Variants in CADPS observed in about 807,000 individuals in gnomAD.
CADPS encodes calcium-dependent secretion activator 1.
Under a neutral mutation model 167.3 loss-of-function variants are expected in CADPS, and 57 were observed. The observed-to-expected ratio is 0.34, with a 90% CI of 0.28 to 0.42. The LOEUF (loss-of-function observed/expected upper bound fraction) is 0.42, where lower values mean the gene tolerates loss of function less well. CADPS is among the 20% of genes least tolerant of loss of function. The pLI, the probability that CADPS is intolerant of heterozygous loss-of-function variation, is 1.00. For missense variants in CADPS, 1,414 were observed against 1,738.1 expected (o/e 0.81, Z 3.32); for synonymous variants, 676 against 635.3 (o/e 1.06, Z -0.96).
At chr3:62,771,682 T>C (rs764412954) in intron 1 of CADPS, among the ~76,000 whole-genome samples, 3 of 152,138 alleles carry the variant, frequency 2.0e-5, no homozygotes, top group Non-Finnish European at 4.4e-5. Context: ...AGAATTGCAG[T>C]AATGAATTCC....
intron 3 of CADPS, among the ~76,000 whole-genome samples, chr3:62,674,731 T>C (rs77085422): frequency 7.2e-5 from 11 of 152,166 alleles, no homozygotes; most frequent in Non-Finnish European, 1.0e-4. Flanking sequence ...ATATACTGCA[T>C]TGTGTGCAAA....
At chr3:62,546,679 T>C (rs1271852305) in intron 11 of CADPS, among the ~76,000 whole-genome samples, 1 of 152,152 alleles carries the variant, frequency 6.6e-6, no homozygotes, top group African/African-American at 2.4e-5. Flanking sequence ...GTACAGACCT[T>C]TTTTTGGTCA....
chr3:62,604,569 T>C (rs896372833), intron 6 of CADPS, among the ~76,000 whole-genome samples: 2 of 152,234 alleles, frequency 1.3e-5, no homozygotes, highest in Non-Finnish European at 2.9e-5. Context: ...TTTCCAAGGT[T>C]GGAGCTAAGC....
At chr3:62,672,487 C>G (rs2075704324) in intron 3 of CADPS, among the ~76,000 whole-genome samples, 1 of 152,184 alleles carries the variant, frequency 6.6e-6, no homozygotes, top group Non-Finnish European at 1.5e-5. Flanking sequence ...CATCTGGCTC[C>G]TGCACAGCTT....
chr3:62,453,875 A>G (rs952952254), intron 26 of CADPS, among the ~76,000 whole-genome samples: 1 of 152,166 alleles, frequency 6.6e-6, no homozygotes, highest in Non-Finnish European at 1.5e-5. Context: ...GGGAGGCACT[A>G]TTTCCATGTG....
chr3:62,874,540 G>T lies in CADPS; in HGVS notation c.441+49C>A, dbSNP rs756306828. On this transcript the variant is annotated intron_variant, in intron 1 of 29. Coordinates refer to ENST00000383710, the MANE Select transcript of CADPS (RefSeq NM_003716.4). This position sits in a 1 kb window ranked among gnomAD's most constrained non-coding sequence, Gnocchi z 7.1. The stretch of plus-strand genomic sequence containing the variant: ...CCAGCTCCCATTGTTCACCCCGCCC[G>T]CCTGGCGACGTCCGGGTGCTGCTCC... The T allele has an allele frequency of 1.4e-6, 2 of 1,425,310 alleles. No individual in the cohort carries two copies. The highest frequency in any genetic ancestry group is 2.6e-5 in the East Asian group (1 of 38,504). The allele number at this position is 1,425,310 out of a possible 1,614,324, so 88.3% of individuals were successfully genotyped here.
intron 14 of CADPS, 104 bp from the exon 15 acceptor site, chr3:62,516,747 G>A: frequency 1.3e-6 from 1 of 786,688 alleles, no homozygotes; most frequent in Non-Finnish European, 2.1e-6. Context: ...AATGGAAAAT[G>A]CTTTTTATTT....
intron 3 of CADPS, among the ~76,000 whole-genome samples, chr3:62,670,584 C>A (rs10510883): frequency 0.25 from 38,396 of 151,962 alleles, 6,404 homozygotes; most frequent in East Asian, 0.71. Flanking sequence ...GTATTTGAGT[C>A]ACCAGTTTTA....
chr3:62,756,042 T>C (rs1461882284), intron 2 of CADPS, among the ~76,000 whole-genome samples: 2 of 143,106 alleles, frequency 1.4e-5, no homozygotes, highest in African/African-American at 5.0e-5. Flanking sequence ...GATTCTCTAA[T>C]TTCTTTTTCT....
intron 28 of CADPS, among the ~76,000 whole-genome samples, chr3:62,417,626 T>C (rs2050404725): frequency 6.6e-6 from 1 of 152,166 alleles, no homozygotes; most frequent in Non-Finnish European, 1.5e-5. Context: ...CATTAAATTC[T>C]CTCAGGATGT....
chr3:62,706,763 T>C (rs1012449861), intron 3 of CADPS, among the ~76,000 whole-genome samples: 1 of 152,090 alleles, frequency 6.6e-6, no homozygotes, highest in Non-Finnish European at 1.5e-5. Context: ...TCATAATGGA[T>C]TAGGGCTGAC....
At chr3:62,452,968 A>G (rs1343697995) in intron 26 of CADPS, among the ~76,000 whole-genome samples, 1 of 151,864 alleles carries the variant, frequency 6.6e-6, no homozygotes, top group East Asian at 1.9e-4. Flanking sequence ...AAACAAACAA[A>G]CAAACAAACA....
At chr3:62,568,364 A>G (rs1419207412) in intron 9 of CADPS, among the ~76,000 whole-genome samples, 1 of 152,236 alleles carries the variant, frequency 6.6e-6, no homozygotes, top group African/African-American at 2.4e-5. Context: ...ACACCATCCA[A>G]TCAGCTGCCA....
At chr3:62,606,114 T>C (rs2060658735) in intron 6 of CADPS, among the ~76,000 whole-genome samples, 2 of 152,180 alleles carry the variant, frequency 1.3e-5, no homozygotes, top group Non-Finnish European at 2.9e-5. Flanking sequence ...TATTGTTCAA[T>C]GGGATTCACA....
chr3:62,565,428 C>T (rs1399546005), intron 9 of CADPS, among the ~76,000 whole-genome samples: 1 of 152,140 alleles, frequency 6.6e-6, no homozygotes, highest in Non-Finnish European at 1.5e-5. Context: ...ATAATGACCT[C>T]CAAGGCAGTG....
chr3:62,635,045 A>T (rs2066012594), intron 6 of CADPS, among the ~76,000 whole-genome samples: 2 of 152,334 alleles, frequency 1.3e-5, no homozygotes, highest in South Asian at 4.1e-4. Context: ...GACAAAAATT[A>T]CACACTAAGT....
chr3:62,573,173 C>T (rs921587801), intron 8 of CADPS, among the ~76,000 whole-genome samples: 2 of 152,160 alleles, frequency 1.3e-5, no homozygotes, highest in South Asian at 2.1e-4. Context: ...TGAGGTACCT[C>T]GCCTGGCCCC....
At chr3:62,830,572 A>T (rs1343000817) in intron 1 of CADPS, among the ~76,000 whole-genome samples, 5 of 152,154 alleles carry the variant, frequency 3.3e-5, no homozygotes, top group African/African-American at 1.2e-4. Context: ...AGGTGCTAGA[A>T]GCTAAAGTAA....
At chr3:62,869,973 G>T in intron 1 of CADPS, among the ~76,000 whole-genome samples, 1 of 152,094 alleles carries the variant, frequency 6.6e-6, no homozygotes, top group Non-Finnish European at 1.5e-5. Context: ...CAATTCTTCA[G>T]GAATGAAACA....
Sources: gnomAD v4.1 joint callset for allele counts (sites outside exome capture counted in the v4.1 genomes callset) on GRCh38, gnomAD v4.1.1 for gene constraint, Gnocchi (gnomAD v3.1) non-coding constraint, MANE v1.5 for transcripts, NCBI Gene and HGNC (gene_info 2026-07-23, HGNC 2026-07-21) for gene names.